Variants in CDKL2 observed in about 807,000 individuals in gnomAD.
CDKL2 encodes cyclin dependent kinase like 2.
A neutral mutation model predicts 63.9 loss-of-function variants in CDKL2; 64 were observed. That is an observed-to-expected ratio of 1.00 (90% CI 0.82 to 1.23). CDKL2 has a LOEUF of 1.23. Among genes scored for constraint, CDKL2 ranks in the 50% most tolerant of loss-of-function variants. The probability of loss-of-function intolerance (pLI) is 0.00; values close to 1 mark genes in which losing one functional copy is unlikely to be tolerated. For synonymous variants in CDKL2, 211 were observed against 229.2 expected (o/e 0.92, Z 0.72); for missense variants, 656 against 668.0 (o/e 0.98, Z 0.20).
chr4:75,621,137 C>T (rs756216412), intron 2 of CDKL2, among the ~76,000 whole-genome samples: 9 of 151,768 alleles, frequency 5.9e-5, no homozygotes, highest in East Asian at 3.9e-4. Flanking sequence ...GGTTTCACCA[C>T]GTTGGCCAGG....
chr4:75,623,799 C>T (rs1730275618), intron 2 of CDKL2, among the ~76,000 whole-genome samples: 1 of 152,022 alleles, frequency 6.6e-6, no homozygotes, highest in Non-Finnish European at 1.5e-5. Context: ...CAAAATATAA[C>T]TATACGGTTT....
At chr4:75,589,945 GC>G (rs954707946) in intron 12 of CDKL2, among the ~76,000 whole-genome samples, 2 of 151,284 alleles carry the variant, frequency 1.3e-5, no homozygotes, top group African/African-American at 4.9e-5. Flanking sequence ...GCATGCCACT[GC>G]ACTCCAGCCT....
intron 2 of CDKL2, among the ~76,000 whole-genome samples, chr4:75,619,655 G>A (rs1161958086): frequency 1.4e-5 from 2 of 145,930 alleles, no homozygotes; most frequent in African/African-American, 2.5e-5. Context: ...GACCGACAAT[G>A]TCTTTCCATG....
At chr4:75,618,982 A>G (rs1354986829) in intron 2 of CDKL2, among the ~76,000 whole-genome samples, 1 of 152,232 alleles carries the variant, frequency 6.6e-6, no homozygotes, top group Non-Finnish European at 1.5e-5. Context: ...AAGCAAATGA[A>G]TATCACCTCT....
In CDKL2 at chr4:75,598,226, TAATAA is replaced by T. The variant is rs1212835796; in HGVS notation, c.885-19_885-15del. 3 of 1,335,050 alleles carry T rather than the reference TAATAA, an allele frequency of 2.2e-6. No individual in the cohort carries two copies. The highest frequency in any genetic ancestry group is 1.5e-5 in the South Asian group (1 of 67,596). The allele number at this position is 1,335,050 out of a possible 1,614,324, so 82.7% of individuals were successfully genotyped here. A position where few individuals can be genotyped will look rare whatever the true frequency, so the allele number is the denominator to read the frequency against. On this transcript the variant is annotated splice_polypyrimidine_tract_variant and intron_variant, in intron 7 of 13. Coordinates refer to ENST00000307465, the MANE Select transcript of CDKL2 (RefSeq NM_001330724.2). Reference sequence around the variant, plus strand: ...TCTTGGGAAAACCTACATAAAAATATAATAAAATAAAATTGTAAGACATGGATAAA... The same window carrying T: ...TCTTGGGAAAACCTACATAAAAATATAATAAAATTGTAAGACATGGATAAA...
At chr4:75,603,587 A>G (rs1327786821) in intron 6 of CDKL2, among the ~76,000 whole-genome samples, 1 of 151,098 alleles carries the variant, frequency 6.6e-6, no homozygotes, top group Non-Finnish European at 1.5e-5. Context: ...AAAATTAGCC[A>G]GGCATGGTGG....
chr4:75,585,424 T>A (rs547560073), intron 12 of CDKL2, among the ~76,000 whole-genome samples: 3 of 151,764 alleles, frequency 2.0e-5, no homozygotes, highest in Non-Finnish European at 4.4e-5. Context: ...ACCCCATCTC[T>A]CAAAACAAAA....
At chr4:75,591,375 C>T (rs1256468215) in intron 12 of CDKL2, among the ~76,000 whole-genome samples, 2 of 152,130 alleles carry the variant, frequency 1.3e-5, no homozygotes, top group South Asian at 2.1e-4. Flanking sequence ...GCAGAAGGAT[C>T]GCTTGAGGCC....
chr4:75,626,720 C>T (rs1447637169), intron 1 of CDKL2, among the ~76,000 whole-genome samples: 2 of 150,452 alleles, frequency 1.3e-5, no homozygotes, highest in Non-Finnish European at 3.0e-5. Context: ...GAGACTCTGT[C>T]TCTACAAAAG....
intron 10 of CDKL2, chr4:75,596,002 A>AAGGAAGGAAGGG: frequency 4.5e-6 from 1 of 223,494 alleles, no homozygotes; most frequent in South Asian, 7.2e-5. Context: ...GGAAGGAAGG[A>AAGGAAGGAAGGG]AGGAAGGAAG....
intron 12 of CDKL2, among the ~76,000 whole-genome samples, chr4:75,586,370 C>T (rs1019940834): frequency 4.6e-5 from 7 of 151,864 alleles, no homozygotes; most frequent in Admixed American, 6.6e-5. Context: ...GGACTACAGG[C>T]GCCTGCCACC....
intron 5 of CDKL2, among the ~76,000 whole-genome samples, chr4:75,604,467 T>G (rs1160000093): frequency 1.3e-5 from 2 of 152,222 alleles, no homozygotes; most frequent in East Asian, 3.8e-4. Flanking sequence ...AAACTTCAAA[T>G]CAAATAGTTA....
At chr4:75,620,740 A>T (rs910665743) in intron 2 of CDKL2, among the ~76,000 whole-genome samples, 2 of 152,160 alleles carry the variant, frequency 1.3e-5, no homozygotes, top group African/African-American at 4.8e-5. Flanking sequence ...ACCATTTTGC[A>T]GGCCTAAGGT....
chr4:75,600,404 G>T, intron 6 of CDKL2, 35 bp from the exon 7 acceptor site: 3 of 1,257,330 alleles, frequency 2.4e-6, no homozygotes, highest in Non-Finnish European at 3.4e-6. Context: ...TTCATATCAA[G>T]AAAAACTACC....
intron 12 of CDKL2, among the ~76,000 whole-genome samples, chr4:75,583,299 A>G (rs866482811): frequency 2.6e-5 from 4 of 152,182 alleles, no homozygotes; most frequent in African/African-American, 9.7e-5. Flanking sequence ...CAATGTTCCT[A>G]CTTTTTTTGT....
intron 12 of CDKL2, among the ~76,000 whole-genome samples, chr4:75,585,031 T>C (rs1446501385): frequency 6.6e-6 from 1 of 152,162 alleles, no homozygotes; most frequent in Non-Finnish European, 1.5e-5. Context: ...CCTATTTATA[T>C]GCTGTCTGTG....
chr4:75,579,490 A>G (rs1015671814), intron 13 of CDKL2, among the ~76,000 whole-genome samples: 1 of 152,302 alleles, frequency 6.6e-6, no homozygotes, highest in East Asian at 1.9e-4. Flanking sequence ...CCTGACCAAC[A>G]TGGAGAAACC....
intron 6 of CDKL2, among the ~76,000 whole-genome samples, chr4:75,601,656 GTTT>G: frequency 6.6e-6 from 1 of 152,042 alleles, no homozygotes; most frequent in African/African-American, 2.4e-5. Context: ...TGTTTTAAAA[GTTT>G]TATATGATTC....
At chr4:75,595,908 A>AC (rs1398909495) in intron 10 of CDKL2, among the ~76,000 whole-genome samples, 2 of 151,412 alleles carry the variant, frequency 1.3e-5, no homozygotes, top group Non-Finnish European at 2.9e-5. Flanking sequence ...TAGCCTGGGC[A>AC]ACAGAGCAAG....
Sources: gnomAD v4.1 joint callset for allele counts (sites outside exome capture counted in the v4.1 genomes callset) on GRCh38, gnomAD v4.1.1 for gene constraint, MANE v1.5 for transcripts, NCBI Gene and HGNC (gene_info 2026-07-23, HGNC 2026-07-21) for gene names.